The following XPNPEP3 variants were observed in gnomAD, a reference collection of about 807,000 sequenced individuals.
XPNPEP3 encodes the protein X-prolyl aminopeptidase 3, also known as xaa-Pro aminopeptidase 3.
In XPNPEP3, 41 loss-of-function variants were observed where a neutral mutation model predicts 60.0. The ratio of observed to expected loss-of-function variants is 0.68; its 90% CI spans 0.53 to 0.89. The LOEUF (loss-of-function observed/expected upper bound fraction) is 0.89, where lower values mean the gene tolerates loss of function less well. Ranked by LOEUF, XPNPEP3 falls within the 40% of genes least tolerant of loss-of-function variation. The pLI, the probability that XPNPEP3 is intolerant of heterozygous loss-of-function variation, is 0.00. For missense variants in XPNPEP3, 598 were observed against 638.9 expected (o/e 0.94, Z 0.69); for synonymous variants, 212 against 223.2 (o/e 0.95, Z 0.45).
rs923973243 is a variant in XPNPEP3 at position 40,887,469 on chromosome 22, C to T, written c.792+954C>T. 5.3e-5 allele frequency among the ~76,000 whole-genome samples: 8 copies of T among 152,262 alleles called. No individual in the cohort carries two copies. The East Asian group carries it at 1.5e-3, about 29-fold the overall frequency. On this transcript the variant is annotated intron_variant, in intron 4 of 9. Transcript: ENST00000357137. Reference sequence around the variant, plus strand: ...AGTCTGGAAGTCCGAGATCAAGGTGCCATCATGGTCCATTTCTGGTGAGGG... The same window carrying T: ...AGTCTGGAAGTCCGAGATCAAGGTGTCATCATGGTCCATTTCTGGTGAGGG...
At chr22:40,873,104 T>C (rs571009676) in intron 2 of XPNPEP3, among the ~76,000 whole-genome samples, 4,849 of 130,120 alleles carry the variant, frequency 0.037, 229 homozygotes, top group African/African-American at 0.13. Context: ...TTTTCTTTTT[T>C]TTTTTTTTTT....
intron 9 of XPNPEP3, 41 bp from the exon 10 acceptor site, chr22:40,926,228 C>T (rs370322308): frequency 1.6e-5 from 26 of 1,612,984 alleles, no homozygotes; most frequent in African/African-American, 2.7e-5. Flanking sequence ...CACCCAGTTA[C>T]TATCATTCCT....
At chr22:40,877,339 T>G (rs926486405) in intron 2 of XPNPEP3, among the ~76,000 whole-genome samples, 2 of 152,232 alleles carry the variant, frequency 1.3e-5, no homozygotes, top group African/African-American at 4.8e-5. Context: ...TTAAGCAGAC[T>G]TCTTTTCAAA....
At chr22:40,913,428 ACT>A (rs2058183903) in intron 6 of XPNPEP3, among the ~76,000 whole-genome samples, 1 of 144,596 alleles carries the variant, frequency 6.9e-6, no homozygotes, top group African/African-American at 2.6e-5. Flanking sequence ...ACAGAGCAAG[ACT>A]CTGTCTCAAA....
rs2057905847 is a variant in XPNPEP3, at chr22:40,857,209, C to G, written c.28C>G (p.Leu10Val). Reference sequence around the variant, plus strand: ...GCCTTGGCTGCTCTCAGCCCCCAAGCTGGTTCCCGCTGTAGCAAACGTCCG... The same window carrying G: ...GCCTTGGCTGCTCTCAGCCCCCAAGGTGGTTCCCGCTGTAGCAAACGTCCG... MPWLLSAPK[L>V]VPAVANVRGL... Residue 10 changes from leucine (L) to valine (V), a missense_variant, in exon 1 of 10, where the codon CTG (leucine) becomes GTG (valine). Physicochemically the swap from Leu to Val is conservative, Grantham distance 32. Transcript: ENST00000357137. The G allele has an allele frequency of 1.2e-6, 2 of 1,614,240 alleles. No individual in the cohort carries two copies. Among genetic ancestry groups the G allele is most frequent in the East Asian group, 4.5e-5 (2 of 44,884 alleles).
chr22:40,890,895 A>G (rs2058085825), intron 4 of XPNPEP3, among the ~76,000 whole-genome samples: 1 of 152,066 alleles, frequency 6.6e-6, no homozygotes, highest in African/African-American at 2.4e-5. Flanking sequence ...ATAGAAGACA[A>G]AATCGTGGTG....
chr22:40,915,486 G>C (rs1304013701), intron 7 of XPNPEP3, among the ~76,000 whole-genome samples: 1 of 151,532 alleles, frequency 6.6e-6, no homozygotes, highest in Non-Finnish European at 1.5e-5. Context: ...CCAGGGGACG[G>C]AAGTTGCAGT....
chr22:40,886,907 C>T (rs1299207026), intron 4 of XPNPEP3, among the ~76,000 whole-genome samples: 1 of 151,872 alleles, frequency 6.6e-6, no homozygotes, highest in African/African-American at 2.4e-5. Context: ...GTCGTATACC[C>T]AATGCAGCAG....
At chr22:40,865,509 G>T (rs1001239531) in intron 1 of XPNPEP3, among the ~76,000 whole-genome samples, 5 of 151,504 alleles carry the variant, frequency 3.3e-5, no homozygotes, top group African/African-American at 7.3e-5. Context: ...TGTATTTTTA[G>T]TAGAGACAGG....
chr22:40,920,421 A>G (rs893873489), intron 7 of XPNPEP3, among the ~76,000 whole-genome samples: 1 of 152,118 alleles, frequency 6.6e-6, no homozygotes, highest in African/African-American at 2.4e-5. Context: ...GGAGATGGAA[A>G]TGGTCTGTAT....
chr22:40,863,706 C>T (rs927405639), intron 1 of XPNPEP3, among the ~76,000 whole-genome samples: 8 of 152,102 alleles, frequency 5.3e-5, no homozygotes, highest in African/African-American at 1.9e-4. Flanking sequence ...ATTTGAGTAC[C>T]CTCTGAGTCA....
At chr22:40,901,916 G>A (rs9623274) in intron 4 of XPNPEP3, among the ~76,000 whole-genome samples, 6,969 of 152,092 alleles carry the variant, frequency 0.046, 502 homozygotes, top group African/African-American at 0.16. Context: ...AAAATGTTTG[G>A]GAACTAGAGA....
chr22:40,881,906 C>T lies in XPNPEP3; in HGVS notation c.318C>T (p.Tyr106=), dbSNP rs2058049689. The change falls in exon 3 of 10, where the codon TAC becomes TAT. Residue 106 remains tyrosine (Y), a synonymous_variant. Transcript: ENST00000357137. ...TTGTGCTCTCCAACCCTACATACTA[C>T]ATGAGCAACGATATTCCCTATACTT... ...TVVVLSNPTY[Y]MSNDIPYTFH... is the part of the protein sequence containing the mutation. The T allele has an allele frequency of 6.2e-7, 1 of 1,614,066 alleles. No homozygotes were observed. The highest frequency in any genetic ancestry group is 8.5e-7 in the Non-Finnish European group (1 of 1,180,036).
intron 4 of XPNPEP3, among the ~76,000 whole-genome samples, chr22:40,896,854 T>G (rs1337292941): frequency 6.6e-6 from 1 of 152,152 alleles, no homozygotes; most frequent in Non-Finnish European, 1.5e-5. Flanking sequence ...TTTCTGTGAC[T>G]CTGCCTATTC....
intron 9 of XPNPEP3, 118 bp from the exon 10 acceptor site, chr22:40,926,151 T>C: frequency 9.6e-7 from 1 of 1,041,764 alleles, no homozygotes; most frequent in Admixed American, 1.7e-5. Flanking sequence ...ACTAGGTAGG[T>C]ACCATAAAGA....
Position 40,932,241 on chromosome 22 carries a change from AATTCGTTTGTGTGTCT to A in XPNPEP3, c.*5810_*5825del, listed in dbSNP as rs1277095284. The A allele has an allele frequency of 6.6e-6, 1 of 152,112 alleles. No individual in the cohort carries two copies. The highest frequency in any genetic ancestry group is 1.5e-5 in the Non-Finnish European group (1 of 68,024). 9.4% of individuals were successfully genotyped at this position (152,112 alleles called of 1,614,324 possible). On this transcript the variant is annotated 3_prime_UTR_variant, in exon 10 of 10. Coordinates refer to ENST00000357137, the MANE Select transcript of XPNPEP3 (RefSeq NM_022098.4). Reference sequence around the variant, plus strand: ...ACTAGTGTCTGATAGCTGAGAATGTAATTCGTTTGTGTGTCTATTAGAAAATTAGGCAGGCACCACA... The same window carrying A: ...ACTAGTGTCTGATAGCTGAGAATGTAATTAGAAAATTAGGCAGGCACCACA...
intron 3 of XPNPEP3, among the ~76,000 whole-genome samples, chr22:40,885,962 A>G (rs1290277211): frequency 1.3e-5 from 2 of 152,192 alleles, no homozygotes; most frequent in African/African-American, 4.8e-5. Context: ...AGCCTGGGCA[A>G]CAGAGCAAGA....
At chr22:40,908,220 A>G (rs919586363) in intron 5 of XPNPEP3, among the ~76,000 whole-genome samples, 5 of 152,046 alleles carry the variant, frequency 3.3e-5, no homozygotes, top group African/African-American at 7.2e-5. Context: ...CTGTTTCAAA[A>G]AAAAAAAAAG....
chr22:40,877,227 A>G (rs2058031099), intron 2 of XPNPEP3, among the ~76,000 whole-genome samples: 1 of 152,184 alleles, frequency 6.6e-6, no homozygotes, highest in Admixed American at 6.5e-5. Flanking sequence ...GGCCTGTTTT[A>G]CATTATAAAG....
Sources: allele counts gnomAD v4.1 joint callset (sites outside exome capture counted in the v4.1 genomes callset), GRCh38; gene constraint gnomAD v4.1.1; transcripts MANE v1.5; gene names NCBI Gene and HGNC (gene_info 2026-07-23, HGNC 2026-07-21).